Variants in NKAIN2 observed in about 807,000 individuals in gnomAD.
The protein encoded by NKAIN2 is sodium/potassium transporting ATPase interacting 2.
Under a neutral mutation model 32.6 loss-of-function variants are expected in NKAIN2, and 14 were observed. The ratio of observed to expected loss-of-function variants is 0.43; its 90% CI spans 0.28 to 0.67. The LOEUF (loss-of-function observed/expected upper bound fraction) is 0.67, where lower values mean the gene tolerates loss of function less well. Ranked by LOEUF, NKAIN2 falls within the 30% of genes least tolerant of loss-of-function variation. The probability of loss-of-function intolerance (pLI) is 0.17; values close to 1 mark genes in which losing one functional copy is unlikely to be tolerated. For synonymous variants in NKAIN2, 80 were observed against 87.2 expected, an observed-to-expected ratio of 0.92 and a Z score of 0.46; for missense variants, 198 against 258.3, an observed-to-expected ratio of 0.77 and a Z score of 1.60.
At chr6:124,769,860 C>A (rs956036733) in intron 4 of NKAIN2, among the ~76,000 whole-genome samples, 6 of 152,114 alleles carry the variant, frequency 3.9e-5, no homozygotes, top group African/African-American at 1.4e-4. Flanking sequence ...ATTTTTAGGT[C>A]CCTGTAGCAC....
At chr6:124,095,057 G>T (rs1045928516) in intron 1 of NKAIN2, among the ~76,000 whole-genome samples, 1 of 152,086 alleles carries the variant, frequency 6.6e-6, no homozygotes, top group Non-Finnish European at 1.5e-5. Flanking sequence ...TTGTAAAAAT[G>T]TGGTGAAGAA....
chr6:124,467,507 G>A (rs572083848), intron 3 of NKAIN2, among the ~76,000 whole-genome samples: 1 of 152,094 alleles, frequency 6.6e-6, no homozygotes, highest in East Asian at 1.9e-4. Context: ...CCACCCAGAA[G>A]GATCCCTACA....
At chr6:124,088,371 T>C (rs1784280840) in intron 1 of NKAIN2, among the ~76,000 whole-genome samples, 1 of 151,872 alleles carries the variant, frequency 6.6e-6, no homozygotes, top group Admixed American at 6.6e-5. Context: ...ATCATGCCAC[T>C]GCACTCCAGC....
chr6:124,636,487 A>C (rs1480147384), intron 3 of NKAIN2, among the ~76,000 whole-genome samples: 14 of 151,770 alleles, frequency 9.2e-5, no homozygotes, highest in African/African-American at 2.4e-5. Context: ...TGCTCTCTTG[A>C]GAAGAAAAAC....
At chr6:123,942,313 A>C (rs1776861392) in intron 1 of NKAIN2, among the ~76,000 whole-genome samples, 2 of 152,016 alleles carry the variant, frequency 1.3e-5, no homozygotes, top group South Asian at 2.1e-4. Flanking sequence ...ACTGATATTT[A>C]ATAATTAAAT....
chr6:124,124,436 C>CA (rs1786054985), intron 1 of NKAIN2, among the ~76,000 whole-genome samples: 1 of 152,080 alleles, frequency 6.6e-6, no homozygotes, highest in African/African-American at 2.4e-5. Flanking sequence ...TTCAAAATGA[C>CA]AAATCTATTA....
chr6:124,350,777 G>A (rs1262577673), intron 2 of NKAIN2, among the ~76,000 whole-genome samples: 5 of 152,192 alleles, frequency 3.3e-5, no homozygotes, highest in African/African-American at 1.2e-4. Flanking sequence ...CTGGAAAAAA[G>A]AGGATAAAAA....
At chr6:124,410,790 G>T (rs538107411) in intron 3 of NKAIN2, among the ~76,000 whole-genome samples, 1 of 152,092 alleles carries the variant, frequency 6.6e-6, no homozygotes, top group African/African-American at 2.4e-5. Flanking sequence ...GTTGACAGTG[G>T]GGTGTTAAAG....
intron 1 of NKAIN2, among the ~76,000 whole-genome samples, chr6:124,036,504 T>G (rs1433741786): frequency 6.6e-6 from 1 of 152,078 alleles, no homozygotes; most frequent in East Asian, 1.9e-4. Flanking sequence ...CCTAAGGGGA[T>G]AGTATCTTTA....
rs181404386 is a variant in NKAIN2, at chr6:124,220,418, T to C, written c.55-62587T>C. 3.2e-4 allele frequency among the ~76,000 whole-genome samples: 48 copies of C among 151,832 alleles called. No individual in the cohort carries two copies. In the Middle Eastern group the frequency reaches 0.01, roughly 33 times the overall value. The stretch of plus-strand genomic sequence containing the variant: ...GCAGTGTGAGAACAGACTAATACAC[T>C]ACTATAACATCTTATTGATGTATGC... On this transcript the variant is annotated intron_variant, in intron 1 of 6. Transcript: ENST00000368417.
At chr6:123,914,758 A>T (rs932941508) in intron 1 of NKAIN2, among the ~76,000 whole-genome samples, 3 of 152,174 alleles carry the variant, frequency 2.0e-5, no homozygotes, top group African/African-American at 4.8e-5. Flanking sequence ...AAGAGTAGAG[A>T]TATTTTATGA....
At chr6:124,325,620 TGGAGTGATAG>T (rs1190624132) in intron 2 of NKAIN2, among the ~76,000 whole-genome samples, 2 of 152,056 alleles carry the variant, frequency 1.3e-5, no homozygotes, top group Non-Finnish European at 2.9e-5. Flanking sequence ...AAACATTATG[TGGAGTGATAG>T]AAGCCAGATA....
chr6:124,178,247 C>T (rs933433858), intron 1 of NKAIN2, among the ~76,000 whole-genome samples: 1 of 152,094 alleles, frequency 6.6e-6, no homozygotes, highest in Non-Finnish European at 1.5e-5. Context: ...ATCAGACCCC[C>T]CAGTTTCTAG....
At chr6:124,205,535 T>G (rs1183301604) in intron 1 of NKAIN2, among the ~76,000 whole-genome samples, 1 of 151,660 alleles carries the variant, frequency 6.6e-6, no homozygotes, top group African/African-American at 2.4e-5. Context: ...CACTAAGTCG[T>G]TCATATCCTT....
At chr6:124,091,757 A>T (rs1784432836) in intron 1 of NKAIN2, among the ~76,000 whole-genome samples, 1 of 151,936 alleles carries the variant, frequency 6.6e-6, no homozygotes, top group Admixed American at 6.6e-5. Flanking sequence ...AACAACATAC[A>T]CATCGTGTTG....
intron 4 of NKAIN2, among the ~76,000 whole-genome samples, chr6:124,764,877 A>C (rs963838599): frequency 3.3e-5 from 5 of 152,156 alleles, no homozygotes; most frequent in East Asian, 1.9e-4. Flanking sequence ...GCAAAAAAAA[A>C]CCTATTCATT....
intron 3 of NKAIN2, among the ~76,000 whole-genome samples, chr6:124,359,441 A>T (rs991472788): frequency 6.6e-6 from 1 of 151,946 alleles, no homozygotes; most frequent in Non-Finnish European, 1.5e-5. Context: ...ATCCTCTTTT[A>T]TTTCATTGAG....
chr6:123,900,071 A>G (rs916050410), intron 1 of NKAIN2, among the ~76,000 whole-genome samples: 1 of 152,190 alleles, frequency 6.6e-6, no homozygotes, highest in African/African-American at 2.4e-5. Context: ...TGTATAGGAA[A>G]GAGGCCCCTG....
intron 1 of NKAIN2, among the ~76,000 whole-genome samples, chr6:124,247,988 A>G (rs1793499915): frequency 6.6e-6 from 1 of 152,068 alleles, no homozygotes; most frequent in Non-Finnish European, 1.5e-5. Context: ...ACTTAAACGA[A>G]AAGTGACTCT....
Sources: gnomAD v4.1 joint callset for allele counts (sites outside exome capture counted in the v4.1 genomes callset) on GRCh38, gnomAD v4.1.1 for gene constraint, MANE v1.5 for transcripts, NCBI Gene and HGNC (gene_info 2026-07-23, HGNC 2026-07-21) for gene names.